Variants in BEGAIN observed in about 807,000 individuals in gnomAD.
BEGAIN encodes the protein brain enriched guanylate kinase associated, also known as brain-enriched guanylate kinase-associated protein.
Under a neutral mutation model 35.8 loss-of-function variants are expected in BEGAIN, and 19 were observed. The ratio of observed to expected loss-of-function variants is 0.53; its 90% confidence interval spans 0.37 to 0.78. The LOEUF (loss-of-function observed/expected upper bound fraction) is 0.78. BEGAIN is among the 30% of genes least tolerant of loss of function. The pLI, the probability that BEGAIN is intolerant of heterozygous loss-of-function variation, is 0.00. For missense variants in BEGAIN, 795 were observed against 853.6 expected (o/e 0.93, Z 0.85); for synonymous variants, 462 against 388.6 (o/e 1.19, Z -2.22).
intron 4 of BEGAIN, 89 bp downstream of exon 4, chr14:100,544,911 C>T: frequency 7.6e-7 from 1 of 1,316,362 alleles, no homozygotes; most frequent in Non-Finnish European, 1.1e-6. Flanking sequence ...TGTGTCCCAG[C>T]TCCTGAGTGG....
At chr14:100,576,256 A>G (rs977981993) in intron 1 of BEGAIN, among the ~76,000 whole-genome samples, 1 of 152,088 alleles carries the variant, frequency 6.6e-6, no homozygotes, top group Admixed American at 6.5e-5. Context: ...CCATCCCTGG[A>G]CAGAGCAGGC....
In BEGAIN at chr14:100,537,864, G is replaced by A; in HGVS notation, c.*105C>T. The A allele has an allele frequency of 7.0e-7, 1 of 1,435,130 alleles. No homozygotes were observed. The highest frequency in any genetic ancestry group is 9.2e-7 in the Non-Finnish European group (1 of 1,088,972). 88.9% of individuals were successfully genotyped at this position (1,435,130 alleles called of 1,614,324 possible). A position where few individuals can be genotyped will look rare whatever the true frequency, so the allele number is the denominator to read the frequency against. ...GGGGAGGAACAGACTCCTCGTTGTT[G>A]GCCGGGGCAGGGGAACAGCGGGGGC... On this transcript the variant is annotated 3_prime_UTR_variant, in exon 7 of 7. Transcript: ENST00000554140.
intron 3 of BEGAIN, chr14:100,545,363 T>C: frequency 8.0e-7 from 1 of 1,243,432 alleles, no homozygotes; most frequent in Admixed American, 3.8e-5. Context: ...CTCTGTCCCA[T>C]CCACACGCGG....
rs2034483912 is a variant in BEGAIN at position 100,563,970 on chromosome 14, C to G, written c.71+3941G>C. ...AGGTCCCAAAGCAGGCAACATACAA[C>G]CATCTCTGCTGGGGATGCCCTCTCA... On this transcript the variant is annotated intron_variant, in intron 2 of 6. Transcript: ENST00000554140. This position sits in a 1 kb window ranked among gnomAD's most constrained non-coding sequence, Gnocchi z 4.2. Among the ~76,000 whole-genome samples the G allele has an allele frequency of 6.6e-6, 1 of 152,198 alleles. No individual in the cohort carries two copies. The highest frequency in any genetic ancestry group is 2.1e-4 in the South Asian group (1 of 4,830).
chr14:100,560,044 G>C (rs892948906), intron 2 of BEGAIN, among the ~76,000 whole-genome samples: 4 of 152,238 alleles, frequency 2.6e-5, no homozygotes, highest in Non-Finnish European at 4.4e-5. Flanking sequence ...GGGGGGCTGA[G>C]AGGGTCATGT....
chr14:100,567,506 G>C lies in BEGAIN; in HGVS notation c.71+405C>G, dbSNP rs1198453619. ...CTGGGGCGGGTGGTGGTTGGGGGTG[G>C]GGTGGGGTCGGGGGAGAGAGCGCCG... is the stretch of plus-strand genomic sequence containing the variant. On this transcript the variant is annotated intron_variant, in intron 2 of 6. Transcript: ENST00000554140. The surrounding 1 kb of genome is among the most constrained non-coding windows in gnomAD (Gnocchi z 5.1). Among the ~76,000 whole-genome samples, 2 of 152,024 alleles carry C rather than the reference G, an allele frequency of 1.3e-5. No individual in the cohort carries two copies. The highest frequency in any genetic ancestry group is 4.8e-5 in the African/African-American group (2 of 41,406).
At chr14:100,561,339 C>T (rs1179232840) in intron 2 of BEGAIN, among the ~76,000 whole-genome samples, 1 of 152,220 alleles carries the variant, frequency 6.6e-6, no homozygotes, top group Non-Finnish European at 1.5e-5. Context: ...CAAGGCCCAG[C>T]TCACAAGCCA....
chr14:100,538,317 C>A lies in BEGAIN; in HGVS notation c.1491G>T (p.Glu497Asp). 1 of 1,522,330 alleles carries A rather than the reference C, an allele frequency of 6.6e-7. No individual in the cohort carries two copies. Among genetic ancestry groups the A allele is most frequent in the Non-Finnish European group, 8.7e-7 (1 of 1,142,884 alleles). 94.3% of individuals were successfully genotyped at this position (1,522,330 alleles called of 1,614,324 possible). A position where few individuals can be genotyped will look rare whatever the true frequency, so the allele number is the denominator to read the frequency against. ...GGTGGCCCTGGGAGAGGTCGTCCCC[C>A]TCGGAGAAGCTGTCGGCCTTGTAGC... ...YASYKADSFSEGDDLSQGHLA... is the reference protein window; with the variant it reads ...YASYKADSFSDGDDLSQGHLA... Residue 497 changes from glutamate (E) to aspartate (D), a missense_variant, in exon 7 of 7, where the codon GAG becomes GAT. Around this residue, in one of 3 missense-constraint regions of BEGAIN, gnomAD observed 664 missense variants for 647.7 expected, o/e 1.03. Coordinates refer to ENST00000554140, the MANE Select transcript of BEGAIN (RefSeq NM_001385089.1).
chr14:100,565,684 C>A (rs1445751548), intron 2 of BEGAIN, among the ~76,000 whole-genome samples: 3 of 152,090 alleles, frequency 2.0e-5, no homozygotes, highest in African/African-American at 4.8e-5. Context: ...AGGACCCCTT[C>A]ACTGTGACCA....
At position 100,586,218 on chromosome 14, in the gene BEGAIN, T is replaced by A. The variant is rs1053422972; in HGVS notation, c.42+1031A>T. ...TGCTGCTCTTGGCAGGCAGAGGAACTAGGGTCCAGAGAAGGAAAAGAACCT... is the reference window on the plus strand; with the variant it reads ...TGCTGCTCTTGGCAGGCAGAGGAACAAGGGTCCAGAGAAGGAAAAGAACCT... On this transcript the variant is annotated intron_variant, in intron 1 of 6. Coordinates refer to ENST00000554140, the MANE Select transcript of BEGAIN (RefSeq NM_001385089.1). This position sits in a 1 kb window ranked among gnomAD's most constrained non-coding sequence, Gnocchi z 4.9. 4.6e-5 allele frequency among the ~76,000 whole-genome samples: 7 copies of A among 152,158 alleles called. No individual in the cohort carries two copies. Among genetic ancestry groups the A allele is most frequent in the Non-Finnish European group, 8.8e-5 (6 of 68,022 alleles).
chr14:100,583,914 G>A (rs1484337433), intron 1 of BEGAIN, among the ~76,000 whole-genome samples: 1 of 152,094 alleles, frequency 6.6e-6, no homozygotes, highest in Non-Finnish European at 1.5e-5. Context: ...GGTCAGGCTG[G>A]TCTTGAACTC....
rs767546828 is a variant in BEGAIN at position 100,538,018 on chromosome 14, C to A, written c.1790G>T (p.Arg597Leu). The change falls in exon 7 of 7, where the codon CGC (arginine) becomes CTC (leucine). Residue 597 changes from arginine to leucine, a missense_variant. Transcript: ENST00000554140. ...CTGGGCCTTGGTGAGGCTGTCCTTG[C>A]GGCTCAGCCCCGAGCCACCAGTCCG... ...FPRTGGSGLS[R>L]KDSLTKAQLY... The A allele has an allele frequency of 1.9e-6, 3 of 1,608,220 alleles. No individual in the cohort carries two copies. The highest frequency in any genetic ancestry group is 2.2e-5 in the South Asian group (2 of 90,500).
At chr14:100,584,474 C>A (rs1455221104) in intron 1 of BEGAIN, among the ~76,000 whole-genome samples, 1 of 152,210 alleles carries the variant, frequency 6.6e-6, no homozygotes, top group Non-Finnish European at 1.5e-5. Context: ...TCGTGGAGGG[C>A]AAGGTCTGTG....
rs1403223511 is a variant in BEGAIN, at chr14:100,563,882, A to G, written c.71+4029T>C. ...CCTACCACCACAAGGGACCCTCACA[A>G]ACAGAATAGTTTTGGTGAAAAAAAG... On this transcript the variant is annotated intron_variant, in intron 2 of 6. Coordinates refer to ENST00000554140, the MANE Select transcript of BEGAIN (RefSeq NM_001385089.1). The surrounding 1 kb of genome is among the most constrained non-coding windows in gnomAD (Gnocchi z 4.2). Among the ~76,000 whole-genome samples, 1 of 152,188 alleles carries G rather than the reference A, an allele frequency of 6.6e-6. No homozygotes were observed. The highest frequency in any genetic ancestry group is 2.4e-5 in the African/African-American group (1 of 41,446).
chr14:100,554,032 G>A (rs1029794965), intron 2 of BEGAIN, among the ~76,000 whole-genome samples: 2 of 152,232 alleles, frequency 1.3e-5, no homozygotes, highest in Admixed American at 6.5e-5. Flanking sequence ...CCTCCGTCAC[G>A]GGGGGCCACC....
At chr14:100,555,248 GAGCAGCAACA>G (rs1345723777) in intron 2 of BEGAIN, among the ~76,000 whole-genome samples, 6 of 152,240 alleles carry the variant, frequency 3.9e-5, no homozygotes, top group Non-Finnish European at 7.3e-5. Context: ...TCCATCAAAG[GAGCAGCAACA>G]AGCCCTGTGG....
At chr14:100,541,595 C>CTG (rs1251036641) in intron 5 of BEGAIN, among the ~76,000 whole-genome samples, 10 of 152,350 alleles carry the variant, frequency 6.6e-5, no homozygotes, top group African/African-American at 2.4e-4. Context: ...GAGCTGAGAA[C>CTG]TGACCCCTTG....
rs79830465 is a variant in BEGAIN, at chr14:100,551,431, C to G, written c.72-4769G>C. On this transcript the variant is annotated intron_variant, in intron 2 of 6. Transcript: ENST00000554140. ...TGGTTCCATCAATAAGGCTCTGATG[C>G]TGCCCCAGAAATCTGGCTTTCAAAC... 3.8e-3 allele frequency among the ~76,000 whole-genome samples: 581 copies of G among 152,328 alleles called. 2 individuals are homozygous for G. The highest frequency in any genetic ancestry group is 6.8e-3 in the Non-Finnish European group (460 of 68,020).
rs938539132 is a variant in BEGAIN at position 100,568,952 on chromosome 14, G to A, written c.43-1013C>T. 1.0e-6 allele frequency: 1 copy of A among 983,314 alleles called. No individual in the cohort carries two copies. Among genetic ancestry groups the A allele is most frequent in the Non-Finnish European group, 1.2e-6 (1 of 829,288 alleles). The allele number at this position is 983,314 out of a possible 1,614,324, so 60.9% of individuals were successfully genotyped here. A position where few individuals can be genotyped will look rare whatever the true frequency, so the allele number is the denominator to read the frequency against. ...GCCCCTCGCGCCGGGCGCCGCCGCC[G>A]CGTCCGCCGGGAGCGCGCTCCGCTC... On this transcript the variant is annotated intron_variant, in intron 1 of 6. Coordinates refer to ENST00000554140, the MANE Select transcript of BEGAIN (RefSeq NM_001385089.1). The surrounding 1 kb of genome is among the most constrained non-coding windows in gnomAD (Gnocchi z 7.5).
Sources: gnomAD v4.1 joint callset for allele counts (sites outside exome capture counted in the v4.1 genomes callset) on GRCh38, gnomAD v4.1.1 for gene constraint, gnomAD v4.1.1 regional missense constraint, Gnocchi (gnomAD v3.1) non-coding constraint, MANE v1.5 for transcripts, NCBI Gene and HGNC (gene_info 2026-07-23, HGNC 2026-07-21) for gene names.